Variants in AGAP1 observed in about 807,000 individuals in gnomAD.
AGAP1 encodes the protein ArfGAP with GTPase domain, ankyrin repeat and PH domain 1.
In AGAP1, 29 loss-of-function variants were observed where a neutral mutation model predicts 105.3. That is an observed-to-expected ratio of 0.28 (90% CI 0.21 to 0.38). The LOEUF is 0.38. AGAP1 is among the 10% of genes least tolerant of loss of function. The probability of loss-of-function intolerance (pLI) is 1.00; values close to 1 mark genes in which losing one functional copy is unlikely to be tolerated. For missense variants in AGAP1, 998 were observed against 1,165.1 expected (o/e 0.86, Z 2.09); for synonymous variants, 509 against 485.9 (o/e 1.05, Z -0.63).
rs948006755 is a variant in AGAP1 at position 236,080,091 on chromosome 2, A to G, written c.2114+30810A>G. The stretch of plus-strand genomic sequence containing the variant: ...GGCATCCGCACACATCAAGGGCTGC[A>G]TTGCAGGAGAGGAACCCTAAGCTTA... On this transcript the variant is annotated intron_variant, in intron 16 of 17. Transcript: ENST00000304032. The surrounding 1 kb of genome is among the most constrained non-coding windows in gnomAD (Gnocchi z 4.2). Among the ~76,000 whole-genome samples the G allele has an allele frequency of 3.9e-5, 6 of 152,240 alleles. No individual in the cohort carries two copies. The highest frequency in any genetic ancestry group is 3.8e-4 in the East Asian group (2 of 5,198).
chr2:235,968,730 A>T, intron 13 of AGAP1, 107 bp downstream of exon 13: 2 of 1,159,904 alleles, frequency 1.7e-6, no homozygotes, highest in Non-Finnish European at 2.4e-6. Flanking sequence ...ATGCACAGTA[A>T]TGCTGGTCAC....
chr2:235,870,439 CAACATGGCGA>C (rs749826305), intron 9 of AGAP1, among the ~76,000 whole-genome samples: 6 of 152,136 alleles, frequency 3.9e-5, no homozygotes, highest in Non-Finnish European at 7.3e-5. Flanking sequence ...CCAGCCTAGC[CAACATGGCGA>C]AACCCTGTCT....
At chr2:235,715,105 G>C (rs552537089) in intron 2 of AGAP1, among the ~76,000 whole-genome samples, 1 of 152,256 alleles carries the variant, frequency 6.6e-6, no homozygotes, top group South Asian at 2.1e-4. Flanking sequence ...CCCTGTGTTT[G>C]TTCTTAATAG....
chr2:235,544,532 C>G (rs576345109), intron 1 of AGAP1, among the ~76,000 whole-genome samples: 1 of 152,170 alleles, frequency 6.6e-6, no homozygotes, highest in Non-Finnish European at 1.5e-5. Context: ...TTTCTCAAGG[C>G]GAGGAGCCAG....
chr2:235,796,554 G>C (rs966274529), intron 6 of AGAP1, among the ~76,000 whole-genome samples: 1 of 152,084 alleles, frequency 6.6e-6, no homozygotes, highest in South Asian at 2.1e-4. Flanking sequence ...CTTCCTCTCT[G>C]TGAGCCATTT....
intron 16 of AGAP1, among the ~76,000 whole-genome samples, chr2:236,100,494 T>C (rs2059319759): frequency 6.6e-6 from 1 of 152,130 alleles, no homozygotes; most frequent in African/African-American, 2.4e-5. Flanking sequence ...AGTGGGTGTA[T>C]AGATTTGACT....
At chr2:235,636,827 A>G (rs1286684276) in intron 1 of AGAP1, among the ~76,000 whole-genome samples, 1 of 152,164 alleles carries the variant, frequency 6.6e-6, no homozygotes, top group Non-Finnish European at 1.5e-5. Flanking sequence ...CCCCTCATCT[A>G]ATATGATGGA....
At position 236,092,681 on chromosome 2, in the gene AGAP1, C is replaced by T. The variant is rs373635024; in HGVS notation, c.2115-27511C>T. Among the ~76,000 whole-genome samples, 20 of 152,322 alleles carry T rather than the reference C, an allele frequency of 1.3e-4. No individual in the cohort carries two copies. Among genetic ancestry groups the T allele is most frequent in the Middle Eastern group, 3.4e-3 (1 of 294 alleles). ...TGCTGGGATTACAGGCGTGAGCCAC[C>T]GCGCCCGGCCGTATTATTTCTTTAA... On this transcript the variant is annotated intron_variant, in intron 16 of 17. Coordinates refer to ENST00000304032, the MANE Select transcript of AGAP1 (RefSeq NM_001037131.3). This position sits in a 1 kb window ranked among gnomAD's most constrained non-coding sequence, Gnocchi z 4.7.
intron 1 of AGAP1, among the ~76,000 whole-genome samples, chr2:235,637,300 C>G (rs188722899): frequency 6.6e-6 from 1 of 152,154 alleles, no homozygotes; most frequent in Admixed American, 6.6e-5. Flanking sequence ...CAGAGCCTTA[C>G]TCTGTCACCC....
At chr2:235,800,044 G>T (rs1382165829) in intron 8 of AGAP1, among the ~76,000 whole-genome samples, 1 of 151,788 alleles carries the variant, frequency 6.6e-6, no homozygotes, top group African/African-American at 2.4e-5. Context: ...GCAGAGATGA[G>T]CTATCTGGGT....
chr2:235,571,196 C>T (rs557942276), intron 1 of AGAP1, among the ~76,000 whole-genome samples: 1 of 152,230 alleles, frequency 6.6e-6, no homozygotes, highest in Non-Finnish European at 1.5e-5. Context: ...GGATCCACCC[C>T]ATGATCCAGT....
rs1480568831 is a variant in AGAP1 at position 235,843,625 on chromosome 2, C to G, written c.1050+36294C>G. 1.3e-5 allele frequency among the ~76,000 whole-genome samples: 2 copies of G among 152,158 alleles called. No homozygotes were observed. Among genetic ancestry groups the G allele is most frequent in the Non-Finnish European group, 2.9e-5 (2 of 68,036 alleles). On this transcript the variant is annotated intron_variant, in intron 9 of 17. Transcript: ENST00000304032. The surrounding 1 kb of genome is among the most constrained non-coding windows in gnomAD (Gnocchi z 5.9). Reference sequence around the variant, plus strand: ...CCTTCTCTTCCCCATCATCTGTGGTCTTTCTGCACCTGGGCTCCCCTCCGC... The same window carrying G: ...CCTTCTCTTCCCCATCATCTGTGGTGTTTCTGCACCTGGGCTCCCCTCCGC...
chr2:235,870,416 C>T (rs970619797), intron 9 of AGAP1, among the ~76,000 whole-genome samples: 2 of 152,122 alleles, frequency 1.3e-5, no homozygotes, highest in African/African-American at 2.4e-5. Flanking sequence ...CACCTCAGGT[C>T]AGGAGTTCAA....
At position 235,928,447 on chromosome 2, in the gene AGAP1, C is replaced by T. The variant is rs925013820; in HGVS notation, c.1325-2318C>T. ...GGGGTCACCCAGCAAGACAACTGCT[C>T]GGGGAACGAGCCCTGGAGTCAGCAC... On this transcript the variant is annotated intron_variant, in intron 11 of 17. Coordinates refer to ENST00000304032, the MANE Select transcript of AGAP1 (RefSeq NM_001037131.3). Among the ~76,000 whole-genome samples, 6 of 152,300 alleles carry T rather than the reference C, an allele frequency of 3.9e-5. No homozygotes were observed. The East Asian group carries it at 5.8e-4, about 15-fold the overall frequency.
At position 236,040,096 on chromosome 2, in the gene AGAP1, G is replaced by A. The variant is rs2057500860; in HGVS notation, c.1801-655G>A. Among the ~76,000 whole-genome samples the A allele has an allele frequency of 6.6e-6, 1 of 152,030 alleles. No individual in the cohort carries two copies. Among genetic ancestry groups the A allele is most frequent in the Non-Finnish European group, 1.5e-5 (1 of 68,030 alleles). ...ACTGCACCCCAGCCTCAGCCACAGA[G>A]CGAGACACTGGCTCAAAAAATAATA... On this transcript the variant is annotated intron_variant, in intron 14 of 17. Transcript: ENST00000304032. The surrounding 1 kb of genome is among the most constrained non-coding windows in gnomAD (Gnocchi z 5.6).
intron 12 of AGAP1, among the ~76,000 whole-genome samples, chr2:235,954,611 T>A (rs2125280865): frequency 6.6e-6 from 1 of 150,730 alleles, no homozygotes; most frequent in South Asian, 2.1e-4. Flanking sequence ...CTGGGGGCCC[T>A]CGACAGCCAT....
In AGAP1 at chr2:235,879,363, TG is replaced by T. The variant is rs973500279; in HGVS notation, c.1051-3975del. On this transcript the variant is annotated intron_variant, in intron 9 of 17. Coordinates refer to ENST00000304032, the MANE Select transcript of AGAP1 (RefSeq NM_001037131.3). This position sits in a 1 kb window ranked among gnomAD's most constrained non-coding sequence, Gnocchi z 5.0. ...GGCTCTTGGTCGCCACAGCAATTCTTGGGGGGGTCAGATAATAAACCCAACT... is the reference window on the plus strand; with the variant it reads ...GGCTCTTGGTCGCCACAGCAATTCTTGGGGGGTCAGATAATAAACCCAACT... Among the ~76,000 whole-genome samples the T allele has an allele frequency of 1.3e-5, 2 of 152,034 alleles. No homozygotes were observed. The highest frequency in any genetic ancestry group is 2.1e-4 in the South Asian group (1 of 4,820).
At chr2:235,853,080 C>G (rs905866322) in intron 9 of AGAP1, 6 of 1,233,818 alleles carry the variant, frequency 4.9e-6, no homozygotes, top group Non-Finnish European at 6.1e-6. Flanking sequence ...GGAAGGAAAT[C>G]AATGAGCGTT....
At chr2:235,590,674 TGTGTGTGTGTGCGTGTGC>T (rs1559271932) in intron 1 of AGAP1, among the ~76,000 whole-genome samples, 3 of 103,300 alleles carry the variant, frequency 2.9e-5, no homozygotes, top group African/African-American at 4.3e-5. Flanking sequence ...AATGTGTGTG[TGTGTGTGTGTGCGTGTGC>T]GTGTGTGTGT....
Sources: allele counts gnomAD v4.1 joint callset (sites outside exome capture counted in the v4.1 genomes callset), GRCh38; gene constraint gnomAD v4.1.1; non-coding constraint Gnocchi (gnomAD v3.1); transcripts MANE v1.5; gene names NCBI Gene and HGNC (gene_info 2026-07-23, HGNC 2026-07-21).